OXR1: variants seen among roughly 807,000 people sequenced by gnomAD.
The protein encoded by OXR1 is oxidation resistance protein 1.
Under a neutral mutation model 104.6 loss-of-function variants are expected in OXR1, and 41 were observed. The observed-to-expected ratio is 0.39, with a 90% CI of 0.31 to 0.51. The LOEUF (loss-of-function observed/expected upper bound fraction) is 0.51. Among genes scored for constraint, OXR1 ranks in the 20% least tolerant of loss-of-function variants. The probability of loss-of-function intolerance (pLI) is 0.77; values close to 1 mark genes in which losing one functional copy is unlikely to be tolerated. For missense variants in OXR1, 955 were observed against 1,031.9 expected, an observed-to-expected ratio of 0.93 and a Z score of 1.02; for synonymous variants, 348 against 348.4, an observed-to-expected ratio of 1.00 and a Z score of 0.01.
At chr8:106,667,721 T>C (rs78164596) in intron 3 of OXR1, among the ~76,000 whole-genome samples, 3,883 of 152,266 alleles carry the variant, frequency 0.026, 173 homozygotes, top group African/African-American at 0.09. Flanking sequence ...TGATATATAC[T>C]ATATATAAAT....
At chr8:106,474,361 G>A (rs1821687316) in intron 2 of OXR1, among the ~76,000 whole-genome samples, 2 of 151,722 alleles carry the variant, frequency 1.3e-5, no homozygotes, top group African/African-American at 4.8e-5. Context: ...TTAGATTACA[G>A]TGTTTTGGGA....
At chr8:106,590,400 G>T (rs952435743) in intron 3 of OXR1, among the ~76,000 whole-genome samples, 6 of 152,102 alleles carry the variant, frequency 3.9e-5, no homozygotes, top group African/African-American at 1.4e-4. Context: ...CGATTTTCCT[G>T]CCTTAGCCTC....
intron 2 of OXR1, among the ~76,000 whole-genome samples, chr8:106,381,860 G>T (rs1486016662): frequency 6.6e-6 from 1 of 152,056 alleles, no homozygotes; most frequent in African/African-American, 2.4e-5. Context: ...TATTTTAGTG[G>T]CTTAAATATA....
At chr8:106,316,563 A>G (rs770847912) in intron 1 of OXR1, among the ~76,000 whole-genome samples, 36 of 152,324 alleles carry the variant, frequency 2.4e-4, no homozygotes, top group Non-Finnish European at 3.1e-4. Flanking sequence ...ATTAAATCAC[A>G]TCCTTGTTTC....
At chr8:106,404,307 C>T (rs757792379) in intron 2 of OXR1, among the ~76,000 whole-genome samples, 1 of 152,144 alleles carries the variant, frequency 6.6e-6, no homozygotes, top group Non-Finnish European at 1.5e-5. Flanking sequence ...TGTAGGGCCT[C>T]AATGTCCCCA....
intron 2 of OXR1, among the ~76,000 whole-genome samples, chr8:106,474,631 A>G (rs1385532418): frequency 1.3e-5 from 2 of 151,850 alleles, no homozygotes; most frequent in East Asian, 3.9e-4. Flanking sequence ...ACACAGCCAT[A>G]CTCATTTGTG....
chr8:106,678,764 ATT>A (rs1587059658), intron 3 of OXR1, among the ~76,000 whole-genome samples: 1 of 152,072 alleles, frequency 6.6e-6, no homozygotes, highest in East Asian at 1.9e-4. Flanking sequence ...AGAGAAGACT[ATT>A]TTTCATTATG....
intron 3 of OXR1, among the ~76,000 whole-genome samples, chr8:106,541,443 T>C (rs1171543732): frequency 6.6e-6 from 1 of 152,240 alleles, no homozygotes; most frequent in African/African-American, 2.4e-5. Flanking sequence ...TTAGAAGCAC[T>C]GTATTGTTTA....
chr8:106,656,964 T>C (rs970665526), intron 3 of OXR1, among the ~76,000 whole-genome samples: 40 of 151,880 alleles, frequency 2.6e-4, no homozygotes, highest in Non-Finnish European at 4.1e-4. Context: ...CAAATCTTTT[T>C]CCCCCCAATA....
intron 1 of OXR1, among the ~76,000 whole-genome samples, chr8:106,337,023 T>G (rs1251522292): frequency 6.6e-6 from 1 of 152,238 alleles, no homozygotes; most frequent in Admixed American, 6.5e-5. Flanking sequence ...CAAGCAGCTA[T>G]GCTTAGTCAG....
chr8:106,739,319 T>C lies in OXR1; in HGVS notation c.2038-139T>C. 3 of 698,422 alleles carry C rather than the reference T, an allele frequency of 4.3e-6. No homozygotes were observed. In the Admixed American group the frequency reaches 8.0e-5, roughly 19 times the overall value. The allele number at this position is 698,422 out of a possible 1,614,324, so 43.3% of individuals were successfully genotyped here. ...TCATAGATATTAGATATGGGCCATCTTTTGCCCTATAAAATCTTAAGGTTA... is the reference window on the plus strand; with the variant it reads ...TCATAGATATTAGATATGGGCCATCCTTTGCCCTATAAAATCTTAAGGTTA... On this transcript the variant is annotated intron_variant, in intron 12 of 16. Coordinates refer to ENST00000517566, the MANE Select transcript of OXR1 (RefSeq NM_001198533.2).
intron 3 of OXR1, among the ~76,000 whole-genome samples, chr8:106,543,182 C>T (rs1815092276): frequency 6.6e-6 from 1 of 152,126 alleles, no homozygotes; most frequent in African/African-American, 2.4e-5. Context: ...CACAGAATTC[C>T]ATGAATGTTT....
At chr8:106,602,986 T>G (rs1298706849) in intron 3 of OXR1, among the ~76,000 whole-genome samples, 3 of 152,198 alleles carry the variant, frequency 2.0e-5, no homozygotes, top group Non-Finnish European at 2.9e-5. Flanking sequence ...TTCCTCATAA[T>G]GGTATATAAG....
intron 1 of OXR1, among the ~76,000 whole-genome samples, chr8:106,302,852 T>C (rs1205949667): frequency 7.2e-4 from 108 of 150,560 alleles, no homozygotes; most frequent in African/African-American, 2.3e-3. Context: ...CCCAGGTTCA[T>C]GCCATTCTCC....
intron 11 of OXR1, chr8:106,729,885 T>C (rs1158280619): frequency 6.6e-6 from 1 of 152,132 alleles, no homozygotes; most frequent in African/African-American, 2.4e-5. Context: ...ATATATCTTA[T>C]GTATGCAAGT....
chr8:106,439,363 G>A (rs1316204348), intron 2 of OXR1, among the ~76,000 whole-genome samples: 1 of 151,926 alleles, frequency 6.6e-6, no homozygotes, highest in Admixed American at 6.6e-5. Flanking sequence ...TGACCACACT[G>A]TTACACTCTG....
chr8:106,370,809 T>C (rs972072219), intron 2 of OXR1, among the ~76,000 whole-genome samples: 3 of 152,214 alleles, frequency 2.0e-5, no homozygotes, highest in African/African-American at 2.4e-5. Flanking sequence ...TAGTATTTTA[T>C]TGAGAATTTT....
chr8:106,612,848 A>G (rs975645124), intron 3 of OXR1, among the ~76,000 whole-genome samples: 3 of 152,118 alleles, frequency 2.0e-5, no homozygotes, highest in African/African-American at 7.2e-5. Flanking sequence ...CTAGTTTTAC[A>G]GGTGATGAAA....
intron 11 of OXR1, among the ~76,000 whole-genome samples, chr8:106,719,268 T>G (rs1274802342): frequency 6.6e-6 from 1 of 152,212 alleles, no homozygotes; most frequent in Non-Finnish European, 1.5e-5. Flanking sequence ...GTCAGGCAAG[T>G]CCTGAGGTGA....
Sources: allele counts gnomAD v4.1 joint callset (sites outside exome capture counted in the v4.1 genomes callset), GRCh38; gene constraint gnomAD v4.1.1; transcripts MANE v1.5; gene names NCBI Gene and HGNC (gene_info 2026-07-23, HGNC 2026-07-21).